The following CADM2 variants were observed in gnomAD, a reference collection of about 807,000 sequenced individuals.
The protein encoded by CADM2 is immunoglobulin superfamily member 4D.
A neutral mutation model predicts 49.8 loss-of-function variants in CADM2; 12 were observed. That is an observed-to-expected ratio of 0.24 (90% CI 0.15 to 0.39). CADM2 has a LOEUF of 0.39. Among genes scored for constraint, CADM2 ranks in the 10% least tolerant of loss-of-function variants. The probability of loss-of-function intolerance (pLI) is 1.00; values close to 1 mark genes in which losing one functional copy is unlikely to be tolerated. For synonymous variants in CADM2, 214 were observed against 175.4 expected (o/e 1.22, Z -1.74); for missense variants, 378 against 492.3 (o/e 0.77, Z 2.20).
intron 1 of CADM2, among the ~76,000 whole-genome samples, chr3:85,079,286 G>A (rs1019761606): frequency 1.3e-5 from 2 of 151,716 alleles, no homozygotes; most frequent in Admixed American, 1.3e-4. Context: ...CACATAGGAA[G>A]TATGAGATAT....
chr3:85,670,498 C>A (rs1403264729), intron 1 of CADM2, among the ~76,000 whole-genome samples: 1 of 152,082 alleles, frequency 6.6e-6, no homozygotes, highest in Non-Finnish European at 1.5e-5. Context: ...GTGTCACATT[C>A]TTCCCACTTA....
chr3:85,226,267 T>C (rs887876626), intron 1 of CADM2, among the ~76,000 whole-genome samples: 3 of 150,536 alleles, frequency 2.0e-5, no homozygotes, highest in African/African-American at 5.0e-5. Flanking sequence ...TTTTTTTGAT[T>C]GGTATGCTGT....
chr3:85,623,092 C>T (rs1322874119), intron 1 of CADM2, among the ~76,000 whole-genome samples: 1 of 152,010 alleles, frequency 6.6e-6, no homozygotes, highest in Non-Finnish European at 1.5e-5. Flanking sequence ...ACTCCAAGGA[C>T]AAAGAAGCCA....
intron 1 of CADM2, among the ~76,000 whole-genome samples, chr3:85,386,802 G>GA (rs2034256355): frequency 1.3e-5 from 2 of 152,130 alleles, no homozygotes; most frequent in African/African-American, 4.8e-5. Context: ...ACTTGAGGGA[G>GA]AAAATCTTCA....
At chr3:85,252,079 A>G (rs1215819236) in intron 1 of CADM2, among the ~76,000 whole-genome samples, 2 of 151,972 alleles carry the variant, frequency 1.3e-5, no homozygotes, top group Admixed American at 6.6e-5. Flanking sequence ...GGAAGAGGGT[A>G]GTTTCAATCA....
intron 1 of CADM2, among the ~76,000 whole-genome samples, chr3:85,383,143 C>G (rs555165012): frequency 1.3e-5 from 2 of 152,272 alleles, no homozygotes; most frequent in South Asian, 2.1e-4. Context: ...CCAGCTGTTC[C>G]TGCATCTCAC....
intron 1 of CADM2, among the ~76,000 whole-genome samples, chr3:85,167,721 A>G (rs2040507902): frequency 6.6e-6 from 1 of 152,196 alleles, no homozygotes; most frequent in Non-Finnish European, 1.5e-5. Flanking sequence ...AGTACTATTC[A>G]ATACCTTTCT....
chr3:85,450,030 A>G (rs1476220572), intron 1 of CADM2, among the ~76,000 whole-genome samples: 1 of 152,188 alleles, frequency 6.6e-6, no homozygotes, highest in African/African-American at 2.4e-5. Context: ...AAACAGGTAA[A>G]CAGAACAAGA....
At chr3:85,282,576 A>G (rs968613696) in intron 1 of CADM2, among the ~76,000 whole-genome samples, 1 of 151,678 alleles carries the variant, frequency 6.6e-6, no homozygotes, top group Non-Finnish European at 1.5e-5. Flanking sequence ...CCAGGCATCA[A>G]ATATATTTTT....
At chr3:85,623,083 C>A (rs374131405) in intron 1 of CADM2, among the ~76,000 whole-genome samples, 5 of 152,054 alleles carry the variant, frequency 3.3e-5, no homozygotes, top group East Asian at 3.9e-4. Context: ...GTAAGGTATA[C>A]TCCAAGGACA....
At chr3:85,746,027 T>A (rs1471640181) in intron 2 of CADM2, among the ~76,000 whole-genome samples, 1 of 152,136 alleles carries the variant, frequency 6.6e-6, no homozygotes, top group Non-Finnish European at 1.5e-5. Flanking sequence ...AGATACATAG[T>A]CAGAAAAATA....
rs1203995105 is a variant in CADM2 at position 85,957,229 on chromosome 3, G to A, written c.792-4240G>A. On this transcript the variant is annotated intron_variant, in intron 7 of 9. Coordinates refer to ENST00000383699, the MANE Select transcript of CADM2 (RefSeq NM_001167675.2). ...AAAAGATTTAGGATAAATGAAGCAT[G>A]TTGAGAACTATTAATAATTTGGCTT... is the stretch of plus-strand genomic sequence containing the variant. Among the ~76,000 whole-genome samples, 3 of 151,730 alleles carry A rather than the reference G, an allele frequency of 2.0e-5. No homozygotes were observed. In the Admixed American group the frequency reaches 2.0e-4, roughly 10 times the overall value.
chr3:85,929,069 C>T (rs1196955552), intron 6 of CADM2, among the ~76,000 whole-genome samples: 6 of 152,052 alleles, frequency 3.9e-5, no homozygotes, highest in African/African-American at 1.4e-4. Flanking sequence ...CGTATTAATG[C>T]ATTTTTTCTA....
intron 1 of CADM2, among the ~76,000 whole-genome samples, chr3:85,024,553 A>G (rs115428672): frequency 0.016 from 2,364 of 152,200 alleles, 59 homozygotes; most frequent in African/African-American, 0.054. Context: ...ATAAATGGAT[A>G]TTATATCTTT....
At chr3:85,909,374 G>T (rs576983050) in intron 5 of CADM2, among the ~76,000 whole-genome samples, 1 of 147,924 alleles carries the variant, frequency 6.8e-6, no homozygotes, top group South Asian at 2.1e-4. Context: ...TATATAGGAC[G>T]TGCATATTTT....
chr3:85,431,785 G>C (rs923441854), intron 1 of CADM2, among the ~76,000 whole-genome samples: 3 of 139,522 alleles, frequency 2.2e-5, no homozygotes, highest in African/African-American at 5.2e-5. Flanking sequence ...CTATTGAGAG[G>C]GGAAAAAAAA....
chr3:85,638,835 A>G (rs1299409961), intron 1 of CADM2, among the ~76,000 whole-genome samples: 1 of 152,148 alleles, frequency 6.6e-6, no homozygotes, highest in African/African-American at 2.4e-5. Flanking sequence ...TAAAAAGTAT[A>G]TAAAAAGAGA....
chr3:85,818,884 G>T (rs2073383450), intron 3 of CADM2, among the ~76,000 whole-genome samples: 1 of 140,908 alleles, frequency 7.1e-6, no homozygotes, highest in East Asian at 1.9e-4. Context: ...CAGAGGAACA[G>T]AACTAATAGG....
chr3:85,077,332 T>C (rs2036983645), intron 1 of CADM2, among the ~76,000 whole-genome samples: 1 of 152,142 alleles, frequency 6.6e-6, no homozygotes. Flanking sequence ...AAGTGATACT[T>C]ATGAGGCAAT....
Sources: gnomAD v4.1 joint callset for allele counts (sites outside exome capture counted in the v4.1 genomes callset) on GRCh38, gnomAD v4.1.1 for gene constraint, MANE v1.5 for transcripts, NCBI Gene and HGNC (gene_info 2026-07-23, HGNC 2026-07-21) for gene names.